NAALADL2: variants seen among roughly 807,000 people sequenced by gnomAD.
NAALADL2 encodes the protein N-acetylated alpha-linked acidic dipeptidase like 2, also known as inactive N-acetylated-alpha-linked acidic dipeptidase-like protein 2.
NAALADL2 carries 76 observed loss-of-function variants against 87.2 expected under a neutral mutation model. The observed-to-expected ratio is 0.87, with a 90% CI of 0.72 to 1.05. NAALADL2 has a LOEUF of 1.05. NAALADL2 is among the 50% of genes least tolerant of loss of function. NAALADL2 has a pLI of 0.00. For missense variants in NAALADL2, 1,089 were observed against 945.8 expected, an observed-to-expected ratio of 1.15 and a Z score of -1.99; for synonymous variants, 354 against 331.0, an observed-to-expected ratio of 1.07 and a Z score of -0.75.
At chr3:175,557,490 TATTC>T (rs1715474196) in intron 9 of NAALADL2, among the ~76,000 whole-genome samples, 1 of 133,398 alleles carries the variant, frequency 7.5e-6, no homozygotes, top group South Asian at 2.8e-4. Context: ...TTCTAGGTCT[TATTC>T]ATTCTTTCTA....
intron 5 of NAALADL2, among the ~76,000 whole-genome samples, chr3:175,420,108 C>T (rs954665281): frequency 2.6e-5 from 4 of 151,898 alleles, no homozygotes; most frequent in Non-Finnish European, 5.9e-5. Flanking sequence ...CAGCATCACC[C>T]ATCTGTAAAT....
intron 2 of NAALADL2, among the ~76,000 whole-genome samples, chr3:174,644,381 G>A (rs1157565272): frequency 4.6e-5 from 7 of 152,142 alleles, no homozygotes. Flanking sequence ...AAGAGAAGAT[G>A]CTTTTACTTT....
intron 11 of NAALADL2, among the ~76,000 whole-genome samples, chr3:175,631,065 A>G (rs1304981949): frequency 6.6e-6 from 1 of 151,518 alleles, no homozygotes; most frequent in Non-Finnish European, 1.5e-5. Context: ...AAATATGTAT[A>G]TCTAATATGA....
At chr3:175,013,284 T>G (rs891692350) in intron 1 of NAALADL2, among the ~76,000 whole-genome samples, 2 of 77,598 alleles carry the variant, frequency 2.6e-5, no homozygotes, top group African/African-American at 7.1e-5. Flanking sequence ...TATACATATA[T>G]ATATATATAT....
At chr3:175,173,064 G>A (rs552808684) in intron 2 of NAALADL2, among the ~76,000 whole-genome samples, 5 of 152,094 alleles carry the variant, frequency 3.3e-5, no homozygotes, top group Non-Finnish European at 7.4e-5. Flanking sequence ...GCCAGGGTGA[G>A]TGGATCTCCT....
intron 1 of NAALADL2, among the ~76,000 whole-genome samples, chr3:174,474,714 T>C (rs1717109730): frequency 6.6e-6 from 1 of 152,152 alleles, no homozygotes. Context: ...TCTGTTAGCC[T>C]TGCCATAATT....
chr3:174,736,091 G>C (rs999140415), intron 2 of NAALADL2, among the ~76,000 whole-genome samples: 1 of 152,132 alleles, frequency 6.6e-6, no homozygotes, highest in Non-Finnish European at 1.5e-5. Flanking sequence ...TGGCACCAGG[G>C]AACATGGTGA....
At chr3:175,309,353 T>C (rs1397315757) in intron 4 of NAALADL2, among the ~76,000 whole-genome samples, 1 of 151,972 alleles carries the variant, frequency 6.6e-6, no homozygotes, top group Non-Finnish European at 1.5e-5. Flanking sequence ...GCCCAGCTAA[T>C]TTTTGTATTT....
At chr3:175,537,973 G>T (rs1319809214) in intron 9 of NAALADL2, among the ~76,000 whole-genome samples, 4 of 152,062 alleles carry the variant, frequency 2.6e-5, no homozygotes, top group African/African-American at 9.7e-5. Flanking sequence ...ATTTAAACTG[G>T]CAAGGATAAT....
In NAALADL2 at chr3:174,872,825, A is replaced by G. The variant is rs143393193; in HGVS notation, c.43+13375A>G. Among the ~76,000 whole-genome samples, 667 of 152,196 alleles carry G rather than the reference A, an allele frequency of 4.4e-3. 6 individuals carry two copies. Among genetic ancestry groups the G allele is most frequent in the South Asian group, 0.011 (54 of 4,822 alleles). On this transcript the variant is annotated intron_variant, in intron 1 of 13. Transcript: ENST00000454872. ...CTCCTTGAATTTTCAGTACCTAATT[A>G]AAGGTATGGTAGTTTCTCTTTAATA...
intron 9 of NAALADL2, among the ~76,000 whole-genome samples, chr3:175,521,496 C>A (rs984735456): frequency 6.6e-6 from 1 of 151,808 alleles, no homozygotes; most frequent in African/African-American, 2.4e-5. Context: ...GAATTGTGTT[C>A]CCCAGAGAGA....
In NAALADL2 at chr3:174,771,831, A is replaced by G. The variant is rs150009476; in HGVS notation, c.-9+34085A>G. Among the ~76,000 whole-genome samples, 855 of 152,324 alleles carry G rather than the reference A, an allele frequency of 5.6e-3. 4 individuals are homozygous for G. The highest frequency in any genetic ancestry group is 8.9e-3 in the Non-Finnish European group (606 of 68,030). ...TGGGGAGACTTAAGTGGAAAATTTC[A>G]GACATTTTTAGGGTAAAACTGACAA... is the stretch of plus-strand genomic sequence containing the variant. On this transcript the variant is annotated intron_variant, in intron 3 of 3. Coordinates refer to the NAALADL2 transcript ENST00000434257.
intron 9 of NAALADL2, among the ~76,000 whole-genome samples, chr3:175,495,000 A>C (rs114928127): frequency 0.032 from 4,799 of 150,622 alleles, 279 homozygotes; most frequent in African/African-American, 0.11. Context: ...GCTTACTAAG[A>C]CTGTTGCACA....
intron 9 of NAALADL2, among the ~76,000 whole-genome samples, chr3:175,533,957 GGTATTATGTATAGAGTCA>G (rs1226008494): frequency 2.0e-5 from 3 of 151,786 alleles, no homozygotes; most frequent in Admixed American, 2.0e-4. Flanking sequence ...TATGGTCAAA[GGTATTATGTATAGAGTCA>G]GTAAACTCCT....
At chr3:175,286,876 G>C (rs910497721) in intron 4 of NAALADL2, among the ~76,000 whole-genome samples, 2 of 151,824 alleles carry the variant, frequency 1.3e-5, no homozygotes, top group Non-Finnish European at 2.9e-5. Context: ...AGAATGGCTC[G>C]AGGAGCTTGA....
chr3:174,859,437 C>T lies in NAALADL2; in HGVS notation c.30C>T (p.Asn10=), dbSNP rs1222307266. ...GAGAGAATGAAGCAAGTTTACCTAA[C>T]ACGTCTTTGCAAGGTAAGTACCAAC... MGENEASLP[N]TSLQGKKMAY... The change falls in exon 1 of 14, where the codon AAC becomes AAT. Residue 10 remains asparagine, a synonymous_variant. Coordinates refer to ENST00000454872, the MANE Select transcript of NAALADL2 (RefSeq NM_207015.3). The T allele has an allele frequency of 2.5e-6, 4 of 1,610,734 alleles. No homozygotes were observed. The Admixed American group carries it at 6.7e-5, about 27-fold the overall frequency.
intron 13 of NAALADL2, 36 bp from the exon 14 acceptor site, chr3:175,802,969 G>C (rs372929349): frequency 5.3e-5 from 73 of 1,377,120 alleles, no homozygotes; most frequent in Non-Finnish European, 6.4e-5. Context: ...ATAGCATTGT[G>C]CATGAAACAT....
chr3:174,555,643 G>A (rs1164976412), intron 2 of NAALADL2, among the ~76,000 whole-genome samples: 2 of 152,106 alleles, frequency 1.3e-5, no homozygotes, highest in Non-Finnish European at 2.9e-5. Flanking sequence ...TATGATTGGA[G>A]GACAAAAGGG....
At chr3:174,716,540 T>G (rs1731207514) in intron 2 of NAALADL2, among the ~76,000 whole-genome samples, 1 of 152,036 alleles carries the variant, frequency 6.6e-6, no homozygotes, top group South Asian at 2.1e-4. Context: ...CAACTAAAAT[T>G]TAGGTGCCTG....
Sources: gnomAD v4.1 joint callset for allele counts (sites outside exome capture counted in the v4.1 genomes callset) on GRCh38, gnomAD v4.1.1 for gene constraint, MANE v1.5 for transcripts, NCBI Gene and HGNC (gene_info 2026-07-23, HGNC 2026-07-21) for gene names.